SPIRE1: variants seen among roughly 807,000 people sequenced by gnomAD.
The protein encoded by SPIRE1 is protein spire homolog 1.
SPIRE1 carries 40 observed loss-of-function variants against 94.1 expected under a neutral mutation model. That is an observed-to-expected ratio of 0.43 (90% CI 0.33 to 0.55). The LOEUF is 0.55. Among genes scored for constraint, SPIRE1 ranks in the 20% least tolerant of loss-of-function variants. The probability of loss-of-function intolerance (pLI) is 0.06; values close to 1 mark genes in which losing one functional copy is unlikely to be tolerated. For missense variants in SPIRE1, 838 were observed against 975.2 expected (o/e 0.86, Z 1.87); for synonymous variants, 376 against 371.7 (o/e 1.01, Z -0.13).
chr18:12,597,268 GT>G lies in SPIRE1; in HGVS notation c.372+37793del, dbSNP rs2036704259. Among the ~76,000 whole-genome samples the G allele has an allele frequency of 2.0e-5, 3 of 151,492 alleles. No homozygotes were observed. In the South Asian group the frequency reaches 6.2e-4, roughly 31 times the overall value. Reference sequence around the variant, plus strand: ...AATAGCTTATTTATAACCCCCCAAAGTTGAAAGTGATCCCCCATTCTGACCA... The same window carrying G: ...AATAGCTTATTTATAACCCCCCAAAGTGAAAGTGATCCCCCATTCTGACCA... On this transcript the variant is annotated intron_variant, in intron 2 of 16. Transcript: ENST00000409402.
At chr18:12,639,125 A>G (rs1306452013) in intron 1 of SPIRE1, among the ~76,000 whole-genome samples, 4 of 150,342 alleles carry the variant, frequency 2.7e-5, no homozygotes, top group African/African-American at 7.3e-5. Context: ...ATTCCTCAAA[A>G]AAAATTTTTT....
chr18:12,584,708 C>T (rs187581298), intron 2 of SPIRE1, among the ~76,000 whole-genome samples: 1 of 152,082 alleles, frequency 6.6e-6, no homozygotes, highest in Non-Finnish European at 1.5e-5. Flanking sequence ...ATGGGAAGAT[C>T]ACCTAAGCCC....
intron 6 of SPIRE1, among the ~76,000 whole-genome samples, chr18:12,499,472 T>G (rs1236872777): frequency 1.4e-4 from 21 of 151,918 alleles, no homozygotes; most frequent in Non-Finnish European, 1.5e-5. Flanking sequence ...TTCCTTGAGA[T>G]TCCGTAAGAA....
At chr18:12,578,968 G>A (rs1273912570) in intron 2 of SPIRE1, among the ~76,000 whole-genome samples, 2 of 151,606 alleles carry the variant, frequency 1.3e-5, no homozygotes, top group Non-Finnish European at 2.9e-5. Context: ...CAGCTACCTT[G>A]GAAAAACCTC....
At chr18:12,504,767 G>C (rs1020769218) in intron 6 of SPIRE1, among the ~76,000 whole-genome samples, 1 of 152,174 alleles carries the variant, frequency 6.6e-6, no homozygotes, top group African/African-American at 2.4e-5. Context: ...GTCAGCTAGT[G>C]AAACACGAGA....
At chr18:12,461,896 G>A (rs1041996900) in intron 12 of SPIRE1, among the ~76,000 whole-genome samples, 1 of 152,186 alleles carries the variant, frequency 6.6e-6, no homozygotes, top group South Asian at 2.1e-4. Context: ...GCCTCCCAAA[G>A]TGCTGGGATT....
intron 1 of SPIRE1, 60 bp downstream of exon 1, chr18:12,657,470 A>T: frequency 8.4e-7 from 1 of 1,185,278 alleles, no homozygotes; most frequent in Non-Finnish European, 1.1e-6. Context: ...CGCTGAGGGT[A>T]AGGCGGCCCA....
chr18:12,555,452 A>C (rs1310321696), intron 2 of SPIRE1, among the ~76,000 whole-genome samples: 1 of 152,212 alleles, frequency 6.6e-6, no homozygotes, highest in African/African-American at 2.4e-5. Context: ...TCAACAACAC[A>C]TTAAAAAGAT....
chr18:12,494,656 C>T (rs1343007423), intron 7 of SPIRE1, among the ~76,000 whole-genome samples: 21 of 149,430 alleles, frequency 1.4e-4, no homozygotes, highest in African/African-American at 4.4e-4. Flanking sequence ...GGTGAAACCC[C>T]GTCTCTACTA....
intron 2 of SPIRE1, among the ~76,000 whole-genome samples, chr18:12,597,564 C>T (rs757019771): frequency 7.9e-5 from 12 of 152,170 alleles, no homozygotes; most frequent in Non-Finnish European, 1.5e-4. Flanking sequence ...GGTTTCATCT[C>T]AGCGCCCCAG....
rs565777271 is a variant in SPIRE1, at chr18:12,463,379, G to A, written c.1610C>T (p.Pro537Leu). 94 of 1,613,618 alleles carry A rather than the reference G, an allele frequency of 5.8e-5. 1 individual carries two copies. Among genetic ancestry groups the A allele is most frequent in the South Asian group, 4.2e-4 (38 of 90,944 alleles). Residue 537 changes from proline to leucine, a missense_variant, in exon 12 of 17, where the codon CCG becomes CTG. Pro to Leu is a moderately conservative substitution (Grantham distance 98, BLOSUM62 -3). This residue lies in a region of SPIRE1 where 645 missense variants were observed against 804.7 expected (regional missense o/e 0.80). Transcript: ENST00000409402. Reference protein sequence around the residue: ...ETPTNVRQFLPPSRQSSRSLE... With the variant: ...ETPTNVRQFLLPSRQSSRSLE... ...AGAGCGGGAACTCTGCCTGGAAGGCGGCAGGAACTGCCTCACGTTAGTAGG... is the reference window on the plus strand; with the variant it reads ...AGAGCGGGAACTCTGCCTGGAAGGCAGCAGGAACTGCCTCACGTTAGTAGG...
At chr18:12,589,645 A>T (rs2144579890) in intron 2 of SPIRE1, among the ~76,000 whole-genome samples, 2 of 152,310 alleles carry the variant, frequency 1.3e-5, no homozygotes, top group South Asian at 4.1e-4. Flanking sequence ...CTTCTGTGCC[A>T]AGCTGAAAAA....
intron 4 of SPIRE1, among the ~76,000 whole-genome samples, chr18:12,526,718 T>C (rs183102637): frequency 8.1e-6 from 1 of 124,090 alleles, no homozygotes; most frequent in African/African-American, 2.6e-5. Flanking sequence ...TTTAATTTAA[T>C]TTTTTTTTTG....
At chr18:12,620,929 A>C (rs2037447861) in intron 2 of SPIRE1, among the ~76,000 whole-genome samples, 1 of 152,206 alleles carries the variant, frequency 6.6e-6, no homozygotes, top group Non-Finnish European at 1.5e-5. Flanking sequence ...TACACTATAT[A>C]AAGAACTCTT....
intron 5 of SPIRE1, among the ~76,000 whole-genome samples, chr18:12,508,024 T>G (rs2033894963): frequency 6.6e-6 from 1 of 151,976 alleles, no homozygotes; most frequent in Non-Finnish European, 1.5e-5. Context: ...CACGTGCCTG[T>G]AGTCCCAGCT....
intron 2 of SPIRE1, among the ~76,000 whole-genome samples, chr18:12,556,723 G>A (rs1160639500): frequency 6.6e-6 from 1 of 152,152 alleles, no homozygotes; most frequent in Non-Finnish European, 1.5e-5. Context: ...TGGTCTTGCT[G>A]GCTTCAGGAG....
chr18:12,558,809 C>T (rs954766514), intron 2 of SPIRE1, among the ~76,000 whole-genome samples: 155 of 152,158 alleles, frequency 1.0e-3, no homozygotes, highest in African/African-American at 3.4e-3. Flanking sequence ...TCTAGCTACA[C>T]ATAAAAGTTC....
chr18:12,564,044 C>T (rs1407896675), intron 2 of SPIRE1, among the ~76,000 whole-genome samples: 2 of 152,174 alleles, frequency 1.3e-5, no homozygotes, highest in Non-Finnish European at 2.9e-5. Flanking sequence ...ATAAAAGGGG[C>T]TTTTCATACT....
At chr18:12,650,603 G>A (rs1225322104) in intron 1 of SPIRE1, among the ~76,000 whole-genome samples, 5 of 151,642 alleles carry the variant, frequency 3.3e-5, no homozygotes, top group Admixed American at 6.6e-5. Context: ...CCAGCTACTC[G>A]GGAGGCTGAG....
Sources: allele counts gnomAD v4.1 joint callset (sites outside exome capture counted in the v4.1 genomes callset), GRCh38; gene constraint gnomAD v4.1.1; regional missense constraint gnomAD v4.1.1; transcripts MANE v1.5; gene names NCBI Gene and HGNC (gene_info 2026-07-23, HGNC 2026-07-21).